The following NCOA2 variants were observed in gnomAD, a reference collection of about 807,000 sequenced individuals.
NCOA2 encodes the protein nuclear receptor coactivator 2.
A neutral mutation model predicts 145.1 loss-of-function variants in NCOA2; 21 were observed. That is an observed-to-expected ratio of 0.14 (90% confidence interval 0.10 to 0.21). The LOEUF is 0.21. NCOA2 is among the 10% of genes least tolerant of loss of function. NCOA2 has a pLI of 1.00. For synonymous variants in NCOA2, 619 were observed against 637.5 expected (o/e 0.97, Z 0.44); for missense variants, 1,472 against 1,837.6 (o/e 0.80, Z 3.64).
chr8:70,222,091 T>C (rs1820188208), intron 2 of NCOA2, among the ~76,000 whole-genome samples: 1 of 152,206 alleles, frequency 6.6e-6, no homozygotes, highest in Non-Finnish European at 1.5e-5. Context: ...TACAGATTAA[T>C]GTACAGAATC....
At chr8:70,433,746 C>T in the NCOA2 span, among the ~76,000 whole-genome samples, 1 of 152,284 alleles carries the variant, frequency 6.6e-6, no homozygotes, top group African/African-American at 2.4e-5. Context: ...TGGTCACTCG[C>T]TGAATGTGAC....
chr8:70,274,809 A>G (rs1226883671), intron 2 of NCOA2, among the ~76,000 whole-genome samples: 1 of 152,180 alleles, frequency 6.6e-6, no homozygotes, highest in Non-Finnish European at 1.5e-5. Context: ...TATGAACTGA[A>G]AAGTATTCAT....
rs986873241 is a variant in NCOA2 at position 70,132,149 on chromosome 8, A to G, written c.3159-147T>C. ...CCAACTCAACACAGAACAAAAGGAC[A>G]GTCTGAAATATTCGATACACTTTAT... On this transcript the variant is annotated intron_variant, in intron 15 of 22. Coordinates refer to ENST00000452400, the MANE Select transcript of NCOA2 (RefSeq NM_006540.4). 5.2e-6 allele frequency: 4 copies of G among 776,544 alleles called. No homozygotes were observed. The African/African-American group carries it at 7.0e-5, about 14-fold the overall frequency. 48.1% of individuals were successfully genotyped at this position (776,544 alleles called of 1,614,324 possible). A position where few individuals can be genotyped will look rare whatever the true frequency, so the allele number is the denominator to read the frequency against.
At chr8:70,171,930 C>A (rs1273377174) in intron 5 of NCOA2, among the ~76,000 whole-genome samples, 1 of 152,154 alleles carries the variant, frequency 6.6e-6, no homozygotes, top group East Asian at 1.9e-4. Flanking sequence ...CCCAAGTGAT[C>A]CTCCCACCTC....
In NCOA2 at chr8:70,273,859, T is replaced by A. The variant is rs1011613919; in HGVS notation, c.-20+22885A>T. On this transcript the variant is annotated intron_variant, in intron 2 of 22. Transcript: ENST00000452400. The stretch of plus-strand genomic sequence containing the variant: ...GCAAACTGAAGTGAGTCAACTTCAG[T>A]GACTCAACTTCTGAAGACAAAACTT... 5 of 549,048 alleles carry A rather than the reference T, an allele frequency of 9.1e-6. No homozygotes were observed. The African/African-American group carries it at 9.5e-5, about 10-fold the overall frequency. 34.0% of individuals were successfully genotyped at this position (549,048 alleles called of 1,614,324 possible).
chr8:70,135,331 C>T (rs959479972), intron 15 of NCOA2, among the ~76,000 whole-genome samples: 1 of 152,142 alleles, frequency 6.6e-6, no homozygotes, highest in African/African-American at 2.4e-5. Context: ...ATGTTAAAAA[C>T]ACAACTTCAC....
chr8:70,416,327 A>G, the NCOA2 span, among the ~76,000 whole-genome samples: 1 of 152,114 alleles, frequency 6.6e-6, no homozygotes, highest in African/African-American at 2.4e-5. Flanking sequence ...ACAACTGGGC[A>G]CCACAGCCTA....
chr8:70,423,580 A>G, the NCOA2 span, among the ~76,000 whole-genome samples: 2 of 152,040 alleles, frequency 1.3e-5, no homozygotes, highest in Non-Finnish European at 2.9e-5. Context: ...TGGTGATATA[A>G]ATTGTAATTT....
chr8:70,444,677 ATAAT>A, the NCOA2 span, among the ~76,000 whole-genome samples: 1 of 152,244 alleles, frequency 6.6e-6, no homozygotes, highest in Non-Finnish European at 1.5e-5. Flanking sequence ...ATGAAAATCT[ATAAT>A]TATCTCAAAA....
chr8:70,412,947 A>T, the NCOA2 span, among the ~76,000 whole-genome samples: 2 of 151,802 alleles, frequency 1.3e-5, no homozygotes, highest in African/African-American at 4.8e-5. Flanking sequence ...AAAATATAAA[A>T]ATTAGCCAGG....
At chr8:70,132,263 G>T (rs891551276) in intron 15 of NCOA2, among the ~76,000 whole-genome samples, 1 of 152,206 alleles carries the variant, frequency 6.6e-6, no homozygotes, top group Non-Finnish European at 1.5e-5. Flanking sequence ...TGGCAAAGCT[G>T]AGGCTTAGTG....
chr8:70,136,234 C>T lies in NCOA2; in HGVS notation c.3158+1969G>A, dbSNP rs190757621. Among the ~76,000 whole-genome samples, 266 of 151,958 alleles carry T rather than the reference C, an allele frequency of 1.8e-3. 1 individual carries two copies. The highest frequency in any genetic ancestry group is 6.2e-3 in the African/African-American group (258 of 41,492). On this transcript the variant is annotated intron_variant, in intron 15 of 22. Coordinates refer to ENST00000452400, the MANE Select transcript of NCOA2 (RefSeq NM_006540.4). The stretch of plus-strand genomic sequence containing the variant: ...ACTATAAATACAAAAATTAGCTGGG[C>T]ACCTGTAATCCCAGCTACTCAGGAG...
intron 19 of NCOA2, 55 bp downstream of exon 19, chr8:70,126,758 G>T: frequency 7.0e-7 from 1 of 1,438,122 alleles, no homozygotes; most frequent in Non-Finnish European, 9.7e-7. Flanking sequence ...CCCAACACTG[G>T]GGGACACTGG....
chr8:70,175,170 G>A (rs1814688380), intron 4 of NCOA2, among the ~76,000 whole-genome samples: 1 of 152,146 alleles, frequency 6.6e-6, no homozygotes, highest in African/African-American at 2.4e-5. Context: ...TATATTCTAT[G>A]GCACAATTAA....
At chr8:70,118,913 CTT>C (rs1023482380) in intron 22 of NCOA2, among the ~76,000 whole-genome samples, 6 of 152,104 alleles carry the variant, frequency 3.9e-5, no homozygotes, top group African/African-American at 1.4e-4. Context: ...GTCTCAAACT[CTT>C]GACCTCAGGT....
chr8:70,376,516 GAC>G (rs1176612466), intron 1 of NCOA2, among the ~76,000 whole-genome samples: 3 of 152,094 alleles, frequency 2.0e-5, no homozygotes, highest in Non-Finnish European at 4.4e-5. Context: ...AGTGATTCAG[GAC>G]ACACTAGTTG....
At chr8:70,376,537 C>T (rs114964022) in intron 1 of NCOA2, among the ~76,000 whole-genome samples, 1,702 of 152,218 alleles carry the variant, frequency 0.011, 29 homozygotes, top group African/African-American at 0.037. Context: ...TGATTGTGAC[C>T]TTCAGTTTGA....
chr8:70,395,627 T>A (rs78033547), intron 1 of NCOA2, among the ~76,000 whole-genome samples: 1 of 152,224 alleles, frequency 6.6e-6, no homozygotes, highest in South Asian at 2.1e-4. Context: ...TAAGTTAATA[T>A]TAAATATTCT....
chr8:70,157,731 CT>C (rs1812447904), intron 10 of NCOA2, among the ~76,000 whole-genome samples: 1 of 152,290 alleles, frequency 6.6e-6, no homozygotes, highest in African/African-American at 2.4e-5. Flanking sequence ...CAACTTGCCC[CT>C]AACTGTTAAA....
Sources: allele counts gnomAD v4.1 joint callset (sites outside exome capture counted in the v4.1 genomes callset), GRCh38; gene constraint gnomAD v4.1.1; transcripts MANE v1.5; gene names NCBI Gene and HGNC (gene_info 2026-07-23, HGNC 2026-07-21).